NRXN3: variants seen among roughly 807,000 people sequenced by gnomAD.
NRXN3 encodes neurexin 3, also known as neurexin III.
A neutral mutation model predicts 137.6 loss-of-function variants in NRXN3; 32 were observed. The ratio of observed to expected loss-of-function variants is 0.23; its 90% confidence interval spans 0.18 to 0.31. The LOEUF is 0.31. Ranked by LOEUF, NRXN3 falls within the 10% of genes least tolerant of loss-of-function variation. The probability of loss-of-function intolerance (pLI) is 1.00; values close to 1 mark genes in which losing one functional copy is unlikely to be tolerated. For synonymous variants in NRXN3, 798 were observed against 784.5 expected (o/e 1.02, Z -0.29); for missense variants, 1,574 against 2,062.5 (o/e 0.76, Z 4.59).
intron 15 of NRXN3, among the ~76,000 whole-genome samples, chr14:79,376,041 AGT>A (rs893503964): frequency 3.1e-4 from 43 of 138,884 alleles, no homozygotes; most frequent in Non-Finnish European, 6.2e-4. Context: ...CTTATATATA[AGT>A]GTATATGTAA....
chr14:79,216,997 C>T (rs1209534512), intron 15 of NRXN3, among the ~76,000 whole-genome samples: 2 of 152,098 alleles, frequency 1.3e-5, no homozygotes, highest in African/African-American at 2.4e-5. Context: ...ATTAGCCAGG[C>T]GTGGTGGCAC....
intron 4 of NRXN3, among the ~76,000 whole-genome samples, chr14:78,414,206 T>A (rs953584394): frequency 2.6e-5 from 4 of 152,050 alleles, no homozygotes; most frequent in African/African-American, 9.7e-5. Flanking sequence ...ATTTGTGATT[T>A]TTTTTTTTCT....
intron 4 of NRXN3, among the ~76,000 whole-genome samples, chr14:78,473,975 C>G (rs545999154): frequency 1.3e-5 from 2 of 152,272 alleles, no homozygotes; most frequent in East Asian, 3.9e-4. Context: ...GTCATTTCCT[C>G]AATGTCCTGT....
At chr14:78,782,612 A>G (rs560710886) in intron 8 of NRXN3, among the ~76,000 whole-genome samples, 4 of 152,350 alleles carry the variant, frequency 2.6e-5, no homozygotes, top group Admixed American at 6.5e-5. Flanking sequence ...GGACCTTCAT[A>G]AAGTCAGGTG....
At chr14:78,819,514 T>C (rs1209254470) in intron 10 of NRXN3, among the ~76,000 whole-genome samples, 1 of 152,146 alleles carries the variant, frequency 6.6e-6, no homozygotes. Context: ...CCATTTTATA[T>C]AAGGAACTTA....
intron 4 of NRXN3, among the ~76,000 whole-genome samples, chr14:78,606,214 T>C (rs1219777421): frequency 6.6e-6 from 1 of 152,214 alleles, no homozygotes; most frequent in African/African-American, 2.4e-5. Flanking sequence ...TAAAAATGGA[T>C]TTGTGCTAAA....
At chr14:79,381,237 C>T (rs1471328729) in intron 15 of NRXN3, among the ~76,000 whole-genome samples, 7 of 147,974 alleles carry the variant, frequency 4.7e-5, no homozygotes, top group Non-Finnish European at 7.4e-5. Context: ...ATAATAGAAT[C>T]CCTTCAGAAT....
rs868829117 is a variant in NRXN3, at chr14:79,552,950, G to C, written c.3444+85548G>C. ...GAGTTAATCTTCTCTGGTTAGTGTA[G>C]ATTTCAGGGAGCGGTCAAAGACCAT... On this transcript the variant is annotated intron_variant, in intron 16 of 20. Coordinates refer to ENST00000335750, the MANE Select transcript of NRXN3 (RefSeq NM_001330195.2). Among the ~76,000 whole-genome samples, 7 of 152,190 alleles carry C rather than the reference G, an allele frequency of 4.6e-5. 1 individual carries two copies. In the Middle Eastern group the frequency reaches 0.014, roughly 296 times the overall value.
At chr14:79,666,119 G>A (rs541623276) in intron 17 of NRXN3, among the ~76,000 whole-genome samples, 1 of 152,180 alleles carries the variant, frequency 6.6e-6, no homozygotes, top group South Asian at 2.1e-4. Flanking sequence ...CATAAAATAA[G>A]TGTAAGAATT....
intron 20 of NRXN3, among the ~76,000 whole-genome samples, chr14:79,838,980 G>A (rs938995510): frequency 2.0e-5 from 3 of 152,158 alleles, no homozygotes; most frequent in African/African-American, 7.2e-5. Flanking sequence ...GTAGAATTGG[G>A]CAACACCTTG....
At chr14:79,711,260 G>T (rs2154051709) in intron 19 of NRXN3, among the ~76,000 whole-genome samples, 1 of 152,194 alleles carries the variant, frequency 6.6e-6, no homozygotes, top group South Asian at 2.1e-4. Flanking sequence ...CTCAGAGATT[G>T]AGCCCCACAC....
At position 79,500,111 on chromosome 14, in the gene NRXN3, C is replaced by T. The variant is rs1403319859; in HGVS notation, c.3444+32709C>T. Among the ~76,000 whole-genome samples, 44 of 151,574 alleles carry T rather than the reference C, an allele frequency of 2.9e-4. 1 individual carries two copies. The highest frequency in any genetic ancestry group is 1.5e-5 in the Non-Finnish European group (1 of 67,932). On this transcript the variant is annotated intron_variant, in intron 16 of 20. Coordinates refer to ENST00000335750, the MANE Select transcript of NRXN3 (RefSeq NM_001330195.2). The stretch of plus-strand genomic sequence containing the variant: ...TTTGAGAATACAAAGAAAGGTGCTT[C>T]TGTTTCTGTTTATGGGAAGTCACTT...
intron 16 of NRXN3, among the ~76,000 whole-genome samples, chr14:79,511,350 G>A (rs2096930626): frequency 6.6e-6 from 1 of 152,180 alleles, no homozygotes. Flanking sequence ...GGATCTGAGA[G>A]AGCCAAGGGA....
intron 16 of NRXN3, among the ~76,000 whole-genome samples, chr14:79,584,663 C>T (rs1267732992): frequency 6.6e-6 from 1 of 152,180 alleles, no homozygotes; most frequent in Non-Finnish European, 1.5e-5. Flanking sequence ...AACCCAGCTA[C>T]TGCTATGGGT....
intron 15 of NRXN3, among the ~76,000 whole-genome samples, chr14:79,377,628 C>T (rs1257669936): frequency 6.6e-6 from 1 of 152,062 alleles, no homozygotes; most frequent in African/African-American, 2.4e-5. Flanking sequence ...TGGTGTCGTG[C>T]ACCTGTAATC....
intron 8 of NRXN3, among the ~76,000 whole-genome samples, chr14:78,744,211 A>T (rs1252062347): frequency 6.6e-6 from 1 of 152,112 alleles, no homozygotes; most frequent in East Asian, 1.9e-4. Context: ...ACGCGATCTC[A>T]GTTCACTGCA....
At chr14:79,856,053 T>C (rs556079772) in intron 20 of NRXN3, among the ~76,000 whole-genome samples, 1 of 152,348 alleles carries the variant, frequency 6.6e-6, no homozygotes, top group Admixed American at 6.5e-5. Context: ...GCTCATCTTA[T>C]TGTTGAAAAA....
chr14:79,472,551 T>C (rs2096523658), intron 16 of NRXN3, among the ~76,000 whole-genome samples: 2 of 152,236 alleles, frequency 1.3e-5, no homozygotes, highest in South Asian at 4.1e-4. Flanking sequence ...CAAAGAGATC[T>C]TTATTGAAGT....
intron 15 of NRXN3, among the ~76,000 whole-genome samples, chr14:79,254,587 T>C (rs1040414741): frequency 6.6e-5 from 10 of 152,170 alleles, no homozygotes; most frequent in African/African-American, 2.4e-4. Flanking sequence ...CTGACGAACA[T>C]GCGGGCAGGC....
Sources: allele counts gnomAD v4.1 joint callset (sites outside exome capture counted in the v4.1 genomes callset), GRCh38; gene constraint gnomAD v4.1.1; transcripts MANE v1.5; gene names NCBI Gene and HGNC (gene_info 2026-07-23, HGNC 2026-07-21).